The following ACOT7 variants were observed in gnomAD, a reference collection of about 807,000 sequenced individuals.
ACOT7 encodes acyl-CoA thioesterase 7, also known as cytosolic acyl coenzyme A thioester hydrolase.
A neutral mutation model predicts 40.2 loss-of-function variants in ACOT7; 12 were observed. The ratio of observed to expected loss-of-function variants is 0.30; its 90% confidence interval spans 0.19 to 0.48. ACOT7 has a LOEUF of 0.48. Among genes scored for constraint, ACOT7 ranks in the 20% least tolerant of loss-of-function variants. The probability of loss-of-function intolerance (pLI) is 0.99; values close to 1 mark genes in which losing one functional copy is unlikely to be tolerated. For missense variants in ACOT7, 395 were observed against 530.8 expected, an observed-to-expected ratio of 0.74 and a Z score of 2.51; for synonymous variants, 228 against 219.5, an observed-to-expected ratio of 1.04 and a Z score of -0.34.
At position 6,289,684 on chromosome 1, in the gene ACOT7, G is replaced by T. The variant is rs1440287158; in HGVS notation, c.829+5180C>A. Among the ~76,000 whole-genome samples the T allele has an allele frequency of 1.3e-5, 2 of 151,226 alleles. No individual in the cohort carries two copies. The highest frequency in any genetic ancestry group is 4.9e-5 in the African/African-American group (2 of 40,686). On this transcript the variant is annotated intron_variant, in intron 7 of 8. Transcript: ENST00000361521. The surrounding 1 kb of genome is among the most constrained non-coding windows in gnomAD (Gnocchi z 4.6). Reference sequence around the variant, plus strand: ...CCACTGTGACCAGCCTGCTTTTTTTGTGTGTGTTTTGTTTTGTTTTGTTTT... The same window carrying T: ...CCACTGTGACCAGCCTGCTTTTTTTTTGTGTGTTTTGTTTTGTTTTGTTTT...
At chr1:6,390,701 C>A (rs1040310071) in intron 1 of ACOT7, among the ~76,000 whole-genome samples, 4 of 147,656 alleles carry the variant, frequency 2.7e-5, no homozygotes, top group African/African-American at 7.5e-5. Flanking sequence ...TTTGGGAGGC[C>A]GAGGCGGGCA....
At chr1:6,340,005 A>C (rs189922283) in intron 2 of ACOT7, among the ~76,000 whole-genome samples, 1 of 150,016 alleles carries the variant, frequency 6.7e-6, no homozygotes, top group Non-Finnish European at 1.5e-5. Context: ...TCGCTCTGTC[A>C]CCCAGGCTGG....
intron 7 of ACOT7, among the ~76,000 whole-genome samples, chr1:6,285,860 C>T (rs1233900319): frequency 1.3e-5 from 2 of 152,194 alleles, no homozygotes; most frequent in Non-Finnish European, 2.9e-5. Flanking sequence ...ATGAGAAGGG[C>T]AGGAAGGGGG....
intron 8 of ACOT7, among the ~76,000 whole-genome samples, chr1:6,268,421 A>C (rs1340377768): frequency 1.3e-5 from 2 of 152,214 alleles, no homozygotes; most frequent in Admixed American, 1.3e-4. Context: ...GAAAAGCAAA[A>C]AACTAACTAG....
rs190972892 is a variant in ACOT7 at position 6,274,557 on chromosome 1, G to A, written c.1014+6545C>T. 5.2e-4 allele frequency among the ~76,000 whole-genome samples: 79 copies of A among 152,372 alleles called. No individual in the cohort carries two copies. The highest frequency in any genetic ancestry group is 1.7e-3 in the African/African-American group (72 of 41,590). On this transcript the variant is annotated intron_variant, in intron 8 of 8. Transcript: ENST00000361521. The surrounding 1 kb of genome is among the most constrained non-coding windows in gnomAD (Gnocchi z 5.9). ...GTGAACCAGCTGAGGCCAGGAGAAGGAGGTCATAGGGCAGCAGCAGAAGCG... is the reference window on the plus strand; with the variant it reads ...GTGAACCAGCTGAGGCCAGGAGAAGAAGGTCATAGGGCAGCAGCAGAAGCG...
chr1:6,336,895 A>G (rs1641121388), intron 3 of ACOT7, among the ~76,000 whole-genome samples: 1 of 152,210 alleles, frequency 6.6e-6, no homozygotes, highest in African/African-American at 2.4e-5. Context: ...AGAGGGGGAG[A>G]TGAGACTCGC....
chr1:6,376,153 G>C (rs1039578455), intron 1 of ACOT7, among the ~76,000 whole-genome samples: 4 of 152,138 alleles, frequency 2.6e-5, no homozygotes, highest in Admixed American at 1.3e-4. Context: ...TACTCAGGAG[G>C]CTGAGGCAGG....
chr1:6,303,671 C>T (rs1640032378), intron 6 of ACOT7, among the ~76,000 whole-genome samples: 1 of 152,172 alleles, frequency 6.6e-6, no homozygotes, highest in Non-Finnish European at 1.5e-5. Flanking sequence ...ATGATAGTAA[C>T]TTCATCTTGT....
chr1:6,381,180 G>T (rs1387763390), intron 1 of ACOT7, among the ~76,000 whole-genome samples: 2 of 151,770 alleles, frequency 1.3e-5, no homozygotes, highest in Non-Finnish European at 2.9e-5. Flanking sequence ...TTCAGTTTCA[G>T]AATACTGATG....
At chr1:6,367,383 C>G (rs1406600413) in intron 1 of ACOT7, among the ~76,000 whole-genome samples, 6 of 152,192 alleles carry the variant, frequency 3.9e-5, no homozygotes, top group African/African-American at 1.2e-4. Context: ...CTTATTCCAC[C>G]CACTCAGCCT....
chr1:6,316,522 C>T (rs1640500117), intron 6 of ACOT7, among the ~76,000 whole-genome samples: 1 of 152,180 alleles, frequency 6.6e-6, no homozygotes, highest in Non-Finnish European at 1.5e-5. Context: ...ACATATCTCA[C>T]ATCAGGGCCG....
In ACOT7 at chr1:6,294,784, T is replaced by C. The variant is rs1639765678; in HGVS notation, c.829+80A>G. The C allele has an allele frequency of 8.7e-7, 1 of 1,143,742 alleles. No individual in the cohort carries two copies. Among genetic ancestry groups the C allele is most frequent in the Non-Finnish European group, 1.3e-6 (1 of 767,270 alleles). 70.8% of individuals were successfully genotyped at this position (1,143,742 alleles called of 1,614,324 possible). ...ACCAAGGCCCACATGACCCTGGGTG[T>C]GAACAGAAAACAAACTGGTGCAGGG... On this transcript the variant is annotated intron_variant, in intron 7 of 8. Transcript: ENST00000361521. The surrounding 1 kb of genome is among the most constrained non-coding windows in gnomAD (Gnocchi z 4.6).
intron 5 of ACOT7, among the ~76,000 whole-genome samples, chr1:6,323,737 A>AATAC (rs1640720924): frequency 1.3e-4 from 5 of 38,420 alleles, no homozygotes; most frequent in Non-Finnish European, 2.0e-4. Flanking sequence ...AAAAAAAAAA[A>AATAC]ATATATATAT....
chr1:6,286,719 G>C (rs952809908), intron 7 of ACOT7, among the ~76,000 whole-genome samples: 6 of 152,208 alleles, frequency 3.9e-5, no homozygotes, highest in African/African-American at 1.4e-4. Flanking sequence ...GGCTCCACAG[G>C]CCACCTGGGC....
At chr1:6,375,675 G>A (rs1466590533) in intron 1 of ACOT7, among the ~76,000 whole-genome samples, 2 of 152,110 alleles carry the variant, frequency 1.3e-5, no homozygotes, top group East Asian at 1.9e-4. Context: ...AGTGGCTCAC[G>A]CCTGTAATCC....
rs2148438212 is a variant in ACOT7, at chr1:6,333,482, C to T, written c.505G>A (p.Val169Ile). 6.2e-7 allele frequency: 1 copy of T among 1,614,236 alleles called. No individual in the cohort carries two copies. Among genetic ancestry groups the T allele is most frequent in the Non-Finnish European group, 8.5e-7 (1 of 1,180,028 alleles). The change falls in exon 4 of 9, where the codon GTT becomes ATT. Residue 169 changes from valine (V) to isoleucine (I), a missense_variant. Val to Ile is a conservative substitution (Grantham distance 29). This residue lies in a region of ACOT7 where 309 missense variants were observed against 470.3 expected (regional missense o/e 0.66). Transcript: ENST00000361521. Reference protein sequence around the residue: ...NVDKVLEVPPVVYSRQEQEEE... With the variant: ...NVDKVLEVPPIVYSRQEQEEE... ...AAGTAGAAAGGGCACCTTACCACAA[C>T]AGGAGGCACCTCGAGGACCTTGTCC... is the stretch of plus-strand genomic sequence containing the variant.
intron 2 of ACOT7, among the ~76,000 whole-genome samples, chr1:6,343,021 T>C (rs1218691595): frequency 6.6e-6 from 1 of 152,184 alleles, no homozygotes; most frequent in Non-Finnish European, 1.5e-5. Context: ...ATCACTTCCT[T>C]AGGACATTGA....
chr1:6,376,456 C>T (rs949379394), intron 1 of ACOT7, among the ~76,000 whole-genome samples: 22 of 151,324 alleles, frequency 1.5e-4, no homozygotes, highest in African/African-American at 1.2e-4. Context: ...GGGCCAGGCG[C>T]GGTGGCTCAT....
chr1:6,384,003 C>A (rs57398212), intron 1 of ACOT7, among the ~76,000 whole-genome samples: 3,392 of 151,922 alleles, frequency 0.022, 128 homozygotes, highest in African/African-American at 0.078. Context: ...CACGCCCAGC[C>A]AACATCTGGC....
Sources: gnomAD v4.1 joint callset for allele counts (sites outside exome capture counted in the v4.1 genomes callset) on GRCh38, gnomAD v4.1.1 for gene constraint, gnomAD v4.1.1 regional missense constraint, Gnocchi (gnomAD v3.1) non-coding constraint, MANE v1.5 for transcripts, NCBI Gene and HGNC (gene_info 2026-07-23, HGNC 2026-07-21) for gene names.